Variants in SATL1 observed in about 807,000 individuals in gnomAD.
The protein encoded by SATL1 is spermidine/spermine N1-acetyl transferase like 1.
Under a neutral mutation model 51.8 loss-of-function variants are expected in SATL1, and 47 were observed. The ratio of observed to expected loss-of-function variants is 0.91; its 90% CI spans 0.72 to 1.16. SATL1 has a LOEUF of 1.16. SATL1 is among the 50% of genes most tolerant of loss of function. The pLI, the probability that SATL1 is intolerant of heterozygous loss-of-function variation, is 0.00. For missense variants in SATL1, 520 were observed against 526.4 expected, an observed-to-expected ratio of 0.99 and a Z score of 0.12; for synonymous variants, 176 against 182.4, an observed-to-expected ratio of 0.97 and a Z score of 0.28.
chrX:85,159,395 TG>T (rs944043088), intron 2 of SATL1, among the ~76,000 whole-genome samples: 5 of 111,510 alleles, frequency 4.5e-5, no homozygotes, highest in Non-Finnish European at 9.4e-5. Flanking sequence ...CTCATAGGCA[TG>T]CAAACCCTAT....
chrX:85,109,014 G>A lies in SATL1; in HGVS notation c.-46C>T, dbSNP rs1925189599. 1 of 1,112,338 alleles carries A rather than the reference G, an allele frequency of 9.0e-7. No homozygotes were observed. 91.7% of individuals were successfully genotyped at this position (1,112,338 alleles called of 1,213,427 possible). A position where few individuals can be genotyped will look rare whatever the true frequency, so the allele number is the denominator to read the frequency against. ...GTTGACTAAGGATGGGGTGGCAGATGATGGGTTGGCAGACAACTGATTGGC... is the reference window on the plus strand; with the variant it reads ...GTTGACTAAGGATGGGGTGGCAGATAATGGGTTGGCAGACAACTGATTGGC... On this transcript the variant is annotated 5_prime_UTR_variant, in exon 3 of 8. Transcript: ENST00000644105.
intron 1 of SATL1, among the ~76,000 whole-genome samples, chrX:85,230,262 A>T (rs1271792168): frequency 8.9e-6 from 1 of 111,848 alleles, no homozygotes; most frequent in African/African-American, 3.2e-5. Context: ...GTAGAAATAA[A>T]ACCATGCATA....
In SATL1 at chrX:85,105,375, C is replaced by T. The variant is rs150590732; in HGVS notation, c.1642-1460G>A. Among the ~76,000 whole-genome samples, 602 of 111,213 alleles carry T rather than the reference C, an allele frequency of 5.4e-3. 6 individuals are homozygous for T. Among genetic ancestry groups the T allele is most frequent in the African/African-American group, 0.019 (574 of 30,668 alleles). On this transcript the variant is annotated intron_variant, in intron 3 of 7. Transcript: ENST00000644105. ...AGAGAGAGACTGTAATCCAAGAATC[C>T]TTATATCTTTTATACTACTTGGTAT...
At chrX:85,124,397 A>G (rs1360493486) in intron 2 of SATL1, among the ~76,000 whole-genome samples, 1 of 111,899 alleles carries the variant, frequency 8.9e-6, no homozygotes, top group Non-Finnish European at 1.9e-5. Context: ...AATCTTTCTG[A>G]ATTTCAGTTT....
At chrX:85,209,102 G>C (rs374965437) in intron 2 of SATL1, 1 of 112,042 alleles carries the variant, frequency 8.9e-6, no homozygotes, top group East Asian at 2.8e-4. Context: ...TCAGCTTTCT[G>C]CATATGGCTA....
chrX:85,235,127 A>G (rs188656206), intron 1 of SATL1, among the ~76,000 whole-genome samples: 2 of 111,399 alleles, frequency 1.8e-5, no homozygotes, highest in Admixed American at 9.5e-5. Flanking sequence ...GAAACAAAGA[A>G]CGTTTCTTAA....
At chrX:85,143,919 A>G (rs889152266) in intron 2 of SATL1, among the ~76,000 whole-genome samples, 2 of 112,077 alleles carry the variant, frequency 1.8e-5, no homozygotes, top group African/African-American at 6.5e-5. Context: ...ACAAATATGT[A>G]CTTACATGAT....
At chrX:85,224,130 G>A (rs1338958011) in intron 2 of SATL1, 75 bp downstream of exon 2, 7 of 111,526 alleles carry the variant, frequency 6.3e-5, no homozygotes, top group African/African-American at 2.3e-4. Context: ...GGTTCTGGAG[G>A]CCAGAAGTTT....
intron 2 of SATL1, among the ~76,000 whole-genome samples, chrX:85,114,304 G>C (rs1925332446): frequency 9.0e-6 from 1 of 111,267 alleles, no homozygotes; most frequent in African/African-American, 3.3e-5. Flanking sequence ...CTGAAAAAAA[G>C]GATCAGCAAC....
At chrX:85,170,172 G>T (rs1032971536) in intron 2 of SATL1, among the ~76,000 whole-genome samples, 1 of 110,796 alleles carries the variant, frequency 9.0e-6, no homozygotes, top group African/African-American at 3.3e-5. Context: ...AATAACTAAC[G>T]GGTACTAGGC....
rs964414575 is a variant in SATL1 at position 85,197,620 on chromosome X, T to C, written c.-313+26585A>G. ...CATTAACTAGTCATTTAGCATTAGG[T>C]ACATCTCCTAATGCTATCCCTCCCC... is the stretch of plus-strand genomic sequence containing the variant. On this transcript the variant is annotated intron_variant, in intron 2 of 7. Transcript: ENST00000644105. 2.8e-5 allele frequency among the ~76,000 whole-genome samples: 3 copies of C among 108,377 alleles called. No homozygotes were observed. The Admixed American group carries it at 3.0e-4, about 11-fold the overall frequency. 94.1% of individuals were successfully genotyped at this position (108,377 alleles called of 115,157 possible).
chrX:85,180,149 G>C (rs1927170591), intron 2 of SATL1, among the ~76,000 whole-genome samples: 1 of 111,013 alleles, frequency 9.0e-6, no homozygotes, highest in Non-Finnish European at 1.9e-5. Context: ...AGGTCAAAAA[G>C]GATTTAAATA....
intron 7 of SATL1, 79 bp downstream of exon 7, chrX:85,093,106 A>C: frequency 2.1e-6 from 2 of 959,863 alleles, no homozygotes; most frequent in Non-Finnish European, 2.9e-6. Flanking sequence ...GGTGAGATTA[A>C]TGATTTAATT....
In SATL1 at chrX:85,108,417, C is replaced by T. The variant is rs761204386; in HGVS notation, c.552G>A (p.Arg184=). The change falls in exon 3 of 8, where the codon AGG becomes AGA. Residue 184 remains arginine (R), a synonymous_variant. Transcript: ENST00000644105. ...TGCCTGGTGGACTCATGTTTGGTTG[C>T]CTCAGGACTGGTTGGCTCAGTCCTG... is the stretch of plus-strand genomic sequence containing the variant. ...WQTGLSQPVL[R]QPNMSPPGMW... 10 of 1,211,182 alleles carry T rather than the reference C, an allele frequency of 8.3e-6. No individual in the cohort carries two copies. In the Admixed American group the frequency reaches 2.2e-4, roughly 26 times the overall value.
At chrX:85,204,512 T>C (rs902642209) in intron 2 of SATL1, among the ~76,000 whole-genome samples, 7 of 112,121 alleles carry the variant, frequency 6.2e-5, no homozygotes, top group Admixed American at 1.9e-4. Context: ...TTAAAGAGCA[T>C]TGAGAAAGTT....
intron 2 of SATL1, among the ~76,000 whole-genome samples, chrX:85,162,681 A>G (rs188032467): frequency 6.3e-5 from 7 of 111,793 alleles, no homozygotes; most frequent in Non-Finnish European, 1.3e-4. Flanking sequence ...TGGGTTTGTC[A>G]TAAATGGCTT....
intron 2 of SATL1, among the ~76,000 whole-genome samples, chrX:85,197,767 G>A (rs182718812): frequency 0.025 from 2,644 of 107,380 alleles, 85 homozygotes; most frequent in African/African-American, 0.086. Context: ...TTGTCCTTGC[G>A]ATAGTTTACT....
intron 2 of SATL1, among the ~76,000 whole-genome samples, chrX:85,152,250 AT>A (rs1362315258): frequency 6.2e-5 from 7 of 112,031 alleles, no homozygotes; most frequent in Non-Finnish European, 1.3e-4. Flanking sequence ...AGAAATGCAA[AT>A]CAAAACCACA....
intron 1 of SATL1, among the ~76,000 whole-genome samples, chrX:85,235,775 A>T (rs184914227): frequency 2.7e-5 from 3 of 111,396 alleles, no homozygotes; most frequent in African/African-American, 9.7e-5. Flanking sequence ...TGCATCTTAA[A>T]GAACTACTAA....
Sources: gnomAD v4.1 joint callset for allele counts (sites outside exome capture counted in the v4.1 genomes callset) on GRCh38, gnomAD v4.1.1 for gene constraint, MANE v1.5 for transcripts, NCBI Gene and HGNC (gene_info 2026-07-23, HGNC 2026-07-21) for gene names.